CNTN5: variants seen among roughly 807,000 people sequenced by gnomAD.
CNTN5 encodes the protein contactin-5.
A neutral mutation model predicts 129.1 loss-of-function variants in CNTN5; 77 were observed. The observed-to-expected ratio is 0.60, with a 90% CI of 0.50 to 0.72. The LOEUF is 0.72. CNTN5 is among the 30% of genes least tolerant of loss of function. The pLI, the probability that CNTN5 is intolerant of heterozygous loss-of-function variation, is 0.00. For missense variants in CNTN5, 1,478 were observed against 1,328.8 expected (o/e 1.11, Z -1.75); for synonymous variants, 509 against 465.6 (o/e 1.09, Z -1.20).
At chr11:99,423,306 G>A (rs1038209271) in intron 2 of CNTN5, among the ~76,000 whole-genome samples, 3 of 152,158 alleles carry the variant, frequency 2.0e-5, no homozygotes, top group African/African-American at 4.8e-5. Flanking sequence ...TTGCAGCAAG[G>A]TGCCCACTGA....
intron 1 of CNTN5, among the ~76,000 whole-genome samples, chr11:99,213,363 T>C (rs1163125490): frequency 3.7e-5 from 2 of 53,478 alleles, no homozygotes; most frequent in Non-Finnish European, 9.5e-5. Context: ...TATGTGTATA[T>C]ATGTATATAT....
chr11:100,136,260 A>G (rs1185713153), intron 13 of CNTN5, among the ~76,000 whole-genome samples: 1 of 151,800 alleles, frequency 6.6e-6, no homozygotes, highest in East Asian at 1.9e-4. Context: ...GGCTATTTCA[A>G]TCTTCTGTTC....
chr11:99,624,918 C>A (rs1184372287), intron 3 of CNTN5, among the ~76,000 whole-genome samples: 1 of 152,122 alleles, frequency 6.6e-6, no homozygotes, highest in Non-Finnish European at 1.5e-5. Flanking sequence ...CAGCTCAAAC[C>A]CTTGCCTGCT....
At chr11:99,978,891 G>A (rs79260034) in intron 8 of CNTN5, among the ~76,000 whole-genome samples, 2,184 of 152,256 alleles carry the variant, frequency 0.014, 43 homozygotes, top group African/African-American at 0.047. Flanking sequence ...GAGGGCTTTG[G>A]CATCATTTAA....
chr11:99,302,428 A>G (rs957244682), intron 1 of CNTN5, among the ~76,000 whole-genome samples: 1 of 151,824 alleles, frequency 6.6e-6, no homozygotes, highest in African/African-American at 2.4e-5. Flanking sequence ...ATAAGAAAAT[A>G]CTATTTACAA....
At chr11:99,312,974 A>T (rs977203838) in intron 1 of CNTN5, among the ~76,000 whole-genome samples, 2 of 152,068 alleles carry the variant, frequency 1.3e-5, no homozygotes, top group Non-Finnish European at 2.9e-5. Flanking sequence ...GTTTTAATAG[A>T]ACGAGCTAAT....
chr11:99,032,815 T>G (rs1863466812), intron 1 of CNTN5, among the ~76,000 whole-genome samples: 1 of 148,104 alleles, frequency 6.8e-6, no homozygotes, highest in Non-Finnish European at 1.5e-5. Flanking sequence ...CCATTGCTTT[T>G]GGTGTTTTAG....
At chr11:99,764,812 A>G (rs983613998) in intron 3 of CNTN5, among the ~76,000 whole-genome samples, 1 of 152,166 alleles carries the variant, frequency 6.6e-6, no homozygotes, top group Non-Finnish European at 1.5e-5. Context: ...CTCAACTTGG[A>G]CTATCCAGAT....
At chr11:100,226,394 G>A (rs1416688701) in intron 16 of CNTN5, among the ~76,000 whole-genome samples, 2 of 152,090 alleles carry the variant, frequency 1.3e-5, no homozygotes, top group African/African-American at 4.8e-5. Flanking sequence ...CTGGACTATA[G>A]GGGGTAAATT....
rs369154454 is a variant in CNTN5 at position 100,040,805 on chromosome 11, A to AT, written c.981-20400dup. On this transcript the variant is annotated intron_variant, in intron 9 of 24. Coordinates refer to ENST00000524871, the MANE Select transcript of CNTN5 (RefSeq NM_014361.4). Reference sequence around the variant, plus strand: ...GCGGGATATAATCTCCTGGTGTGCCATTTTTTTAAGCCCATTGGAAAAGCG... The same window carrying AT: ...GCGGGATATAATCTCCTGGTGTGCCATTTTTTTTAAGCCCATTGGAAAAGCG... 1.5e-4 allele frequency among the ~76,000 whole-genome samples: 22 copies of AT among 149,572 alleles called. No homozygotes were observed. In the East Asian group the frequency reaches 4.1e-3, roughly 28 times the overall value.
At chr11:99,083,962 ATTACT>A (rs1305831145) in intron 1 of CNTN5, among the ~76,000 whole-genome samples, 1 of 152,152 alleles carries the variant, frequency 6.6e-6, no homozygotes, top group Non-Finnish European at 1.5e-5. Flanking sequence ...AGTTTATCAC[ATTACT>A]TAACTGACAT....
rs146061886 is a variant in CNTN5 at position 99,790,011 on chromosome 11, A to G, written c.56-29533A>G. ...TACCCAGTGTTTAGCTCCCACTTATAAGTAAGAAAATGCAGTTTTTGGTTT... is the reference window on the plus strand; with the variant it reads ...TACCCAGTGTTTAGCTCCCACTTATGAGTAAGAAAATGCAGTTTTTGGTTT... On this transcript the variant is annotated intron_variant, in intron 3 of 24. Coordinates refer to ENST00000524871, the MANE Select transcript of CNTN5 (RefSeq NM_014361.4). Among the ~76,000 whole-genome samples, 537 of 150,924 alleles carry G rather than the reference A, an allele frequency of 3.6e-3. 3 individuals carry two copies. Among genetic ancestry groups the G allele is most frequent in the African/African-American group, 0.013 (510 of 40,600 alleles).
intron 3 of CNTN5, among the ~76,000 whole-genome samples, chr11:99,580,064 C>T (rs1454864912): frequency 1.3e-5 from 2 of 151,992 alleles, no homozygotes; most frequent in African/African-American, 2.4e-5. Context: ...TGTCAAAGGC[C>T]TTTTCTGTAT....
chr11:99,498,783 C>A (rs1030661267), intron 2 of CNTN5, among the ~76,000 whole-genome samples: 2 of 152,104 alleles, frequency 1.3e-5, no homozygotes, highest in Non-Finnish European at 2.9e-5. Flanking sequence ...TCCTTCTTCC[C>A]TTGAAGGAGG....
intron 3 of CNTN5, among the ~76,000 whole-genome samples, chr11:99,764,185 C>G (rs1265759410): frequency 6.6e-6 from 1 of 151,482 alleles, no homozygotes; most frequent in African/African-American, 2.4e-5. Flanking sequence ...GAATAAAGGC[C>G]TAGATGTACA....
intron 4 of CNTN5, among the ~76,000 whole-genome samples, chr11:99,842,445 G>C (rs1317120802): frequency 6.6e-6 from 1 of 152,132 alleles, no homozygotes; most frequent in Admixed American, 6.5e-5. Context: ...TACTAATACT[G>C]TAAAGTAGGC....
chr11:99,444,344 GAAAC>G (rs1330914910), intron 2 of CNTN5, among the ~76,000 whole-genome samples: 1 of 152,092 alleles, frequency 6.6e-6, no homozygotes, highest in African/African-American at 2.4e-5. Context: ...AAAGAATAAA[GAAAC>G]AAAATACACA....
intron 2 of CNTN5, among the ~76,000 whole-genome samples, chr11:99,508,945 T>G (rs1187501453): frequency 6.6e-6 from 1 of 152,074 alleles, no homozygotes; most frequent in East Asian, 1.9e-4. Context: ...CCTCCCAAAG[T>G]GCTGGGATTA....
At chr11:99,249,345 A>G (rs1861982574) in intron 1 of CNTN5, among the ~76,000 whole-genome samples, 1 of 152,140 alleles carries the variant, frequency 6.6e-6, no homozygotes, top group Admixed American at 6.6e-5. Context: ...GAAGTTGCCT[A>G]TCAGCTTAAG....
Sources: gnomAD v4.1 joint callset for allele counts (sites outside exome capture counted in the v4.1 genomes callset) on GRCh38, gnomAD v4.1.1 for gene constraint, MANE v1.5 for transcripts, NCBI Gene and HGNC (gene_info 2026-07-23, HGNC 2026-07-21) for gene names.